Variants in STRN observed in about 807,000 individuals in gnomAD.
STRN encodes the protein striatin, also known as protein phosphatase 2 regulatory subunit B'''alpha.
In STRN, 53 loss-of-function variants were observed where a neutral mutation model predicts 96.3. The ratio of observed to expected loss-of-function variants is 0.55; its 90% confidence interval spans 0.44 to 0.69. The LOEUF is 0.69. Among genes scored for constraint, STRN ranks in the 30% least tolerant of loss-of-function variants. The pLI is 0.00. For synonymous variants in STRN, 428 were observed against 355.9 expected (o/e 1.20, Z -2.28); for missense variants, 987 against 963.9 (o/e 1.02, Z -0.32).
chr2:36,870,399 C>A (rs1331462547), intron 10 of STRN, among the ~76,000 whole-genome samples: 4 of 152,014 alleles, frequency 2.6e-5, no homozygotes. Context: ...GGTATGAATT[C>A]TTCACACTCC....
At chr2:36,897,429 T>TAAAA (rs201662533) in intron 6 of STRN, among the ~76,000 whole-genome samples, 2 of 147,880 alleles carry the variant, frequency 1.4e-5, no homozygotes, top group African/African-American at 5.0e-5. Context: ...CAAAAAAAAC[T>TAAAA]AAAAAATATA....
Position 36,877,815 on chromosome 2 carries a change from G to T in STRN, c.1323+76C>A, listed in dbSNP as rs535263727. 5.2e-6 allele frequency: 8 copies of T among 1,550,126 alleles called. No homozygotes were observed. In the Admixed American group the frequency reaches 1.4e-4, roughly 27 times the overall value. On this transcript the variant is annotated intron_variant, in intron 10 of 17. Coordinates refer to ENST00000263918, the MANE Select transcript of STRN (RefSeq NM_003162.4). ...CCTCCCAAAGTGCTGGATTACAGGC[G>T]TGAGCCACCGCACCCAGCCCAAGTT...
At chr2:36,899,733 C>T (rs1259359474) in intron 5 of STRN, 75 bp from the exon 6 acceptor site, 1 of 1,318,690 alleles carries the variant, frequency 7.6e-7, no homozygotes, top group East Asian at 2.5e-5. Flanking sequence ...TGATATGTTA[C>T]ATCAACTTCT....
chr2:36,944,207 T>G (rs1670922419), intron 1 of STRN, among the ~76,000 whole-genome samples: 1 of 152,226 alleles, frequency 6.6e-6, no homozygotes, highest in African/African-American at 2.4e-5. Flanking sequence ...AGTTAAATTT[T>G]TATTAAGTTG....
intron 1 of STRN, among the ~76,000 whole-genome samples, chr2:36,958,007 CCTCCTGGGTTCAAGTGATT>C (rs1664939293): frequency 6.6e-6 from 1 of 151,052 alleles, no homozygotes; most frequent in Non-Finnish European, 1.5e-5. Context: ...GCAAGCTCCG[CCTCCTGGGTTCAAGTGATT>C]CTCCTGCCTC....
At position 36,880,004 on chromosome 2, in the gene STRN, T is replaced by C. The variant is rs536821252; in HGVS notation, c.1187-1977A>G. 2.1e-4 allele frequency among the ~76,000 whole-genome samples: 32 copies of C among 151,848 alleles called. No individual in the cohort carries two copies. In the Middle Eastern group the frequency reaches 0.01, roughly 48 times the overall value. On this transcript the variant is annotated intron_variant, in intron 9 of 17. Transcript: ENST00000263918. Reference sequence around the variant, plus strand: ...AAATCTGAGACGGGGTCTCACTCTGTCACCCAGGCTGGAGTGCAGTGGTGT... The same window carrying C: ...AAATCTGAGACGGGGTCTCACTCTGCCACCCAGGCTGGAGTGCAGTGGTGT...
chr2:36,897,991 C>A (rs1669589957), intron 6 of STRN, among the ~76,000 whole-genome samples: 1 of 152,108 alleles, frequency 6.6e-6, no homozygotes, highest in Non-Finnish European at 1.5e-5. Flanking sequence ...GCACGCAGCA[C>A]AGAACTGCTA....
intron 3 of STRN, among the ~76,000 whole-genome samples, chr2:36,910,267 C>A (rs1195144551): frequency 1.3e-5 from 2 of 150,252 alleles, no homozygotes; most frequent in African/African-American, 4.9e-5. Flanking sequence ...GAGCGGAAGA[C>A]TTTAAGGTTG....
intron 12 of STRN, among the ~76,000 whole-genome samples, chr2:36,866,542 T>TA (rs1668631305): frequency 6.6e-6 from 1 of 152,208 alleles, no homozygotes; most frequent in South Asian, 2.1e-4. Context: ...GTTCTGTAGA[T>TA]ACATGTTAGG....
chr2:36,884,910 T>C (rs1377039168), intron 8 of STRN, among the ~76,000 whole-genome samples: 1 of 152,130 alleles, frequency 6.6e-6, no homozygotes, highest in East Asian at 1.9e-4. Flanking sequence ...TTATCCTAAG[T>C]CTTTACTTGT....
intron 8 of STRN, among the ~76,000 whole-genome samples, chr2:36,884,640 T>A (rs963070964): frequency 2.6e-5 from 4 of 152,186 alleles, no homozygotes; most frequent in Non-Finnish European, 4.4e-5. Flanking sequence ...GGGAAAATCT[T>A]ACCCAAAGTC....
At chr2:36,948,527 T>C (rs1266067679) in intron 1 of STRN, among the ~76,000 whole-genome samples, 1 of 152,208 alleles carries the variant, frequency 6.6e-6, no homozygotes, top group Non-Finnish European at 1.5e-5. Context: ...TTTAACATCA[T>C]TAACAACATA....
intron 14 of STRN, 38 bp downstream of exon 14, chr2:36,857,818 A>G (rs1339162163): frequency 6.4e-7 from 1 of 1,555,516 alleles, no homozygotes; most frequent in East Asian, 2.3e-5. Flanking sequence ...AAACTGTTTT[A>G]TAGAGGATTC....
At chr2:36,939,084 C>T (rs1358182418) in intron 1 of STRN, among the ~76,000 whole-genome samples, 3 of 151,916 alleles carry the variant, frequency 2.0e-5, no homozygotes, top group Non-Finnish European at 4.4e-5. Context: ...CTTGCTGGTT[C>T]AAGTGATTCT....
At position 36,916,005 on chromosome 2, in the gene STRN, T is replaced by C. The variant is rs192336009; in HGVS notation, c.412+73A>G. ...CAAATAATTAGAAAGTAACTTACAGTTGTAAATGCTGCTAGAAAATACTAG... is the reference window on the plus strand; with the variant it reads ...CAAATAATTAGAAAGTAACTTACAGCTGTAAATGCTGCTAGAAAATACTAG... On this transcript the variant is annotated intron_variant, in intron 3 of 17. Coordinates refer to ENST00000263918, the MANE Select transcript of STRN (RefSeq NM_003162.4). 3.6e-4 allele frequency: 476 copies of C among 1,317,572 alleles called. No individual in the cohort carries two copies. The African/African-American group carries it at 5.9e-3, about 16-fold the overall frequency. 81.6% of individuals were successfully genotyped at this position (1,317,572 alleles called of 1,614,324 possible). A position where few individuals can be genotyped will look rare whatever the true frequency, so the allele number is the denominator to read the frequency against.
chr2:36,885,601 A>G (rs762611565), intron 8 of STRN, among the ~76,000 whole-genome samples: 17 of 152,158 alleles, frequency 1.1e-4, no homozygotes, highest in Non-Finnish European at 2.4e-4. Context: ...TAACATCAAT[A>G]ACAGACACTG....
chr2:36,912,916 CAAG>C (rs1182606878), intron 3 of STRN, among the ~76,000 whole-genome samples: 1 of 152,190 alleles, frequency 6.6e-6, no homozygotes, highest in African/African-American at 2.4e-5. Flanking sequence ...TACATCCAAT[CAAG>C]AAGTAGTTCC....
intron 16 of STRN, 86 bp from the exon 17 acceptor site, chr2:36,849,886 A>G (rs1668177056): frequency 7.8e-7 from 1 of 1,288,644 alleles, no homozygotes; most frequent in Non-Finnish European, 1.1e-6. Flanking sequence ...TGGTTTCTCC[A>G]GTCATCCCTC....
At position 36,890,136 on chromosome 2, in the gene STRN, G is replaced by A. The variant is rs151154311; in HGVS notation, c.932-3310C>T. ...AGTGTGGCACAGTAGATGCAGCTAT[G>A]TTGGTGGACTTGCCTAAAATATGAG... On this transcript the variant is annotated intron_variant, in intron 7 of 17. Coordinates refer to ENST00000263918, the MANE Select transcript of STRN (RefSeq NM_003162.4). Among the ~76,000 whole-genome samples the A allele has an allele frequency of 2.2e-3, 330 of 152,300 alleles. 5 individuals carry two copies. The highest frequency in any genetic ancestry group is 7.6e-3 in the African/African-American group (317 of 41,576).
Sources: allele counts gnomAD v4.1 joint callset (sites outside exome capture counted in the v4.1 genomes callset), GRCh38; gene constraint gnomAD v4.1.1; transcripts MANE v1.5; gene names NCBI Gene and HGNC (gene_info 2026-07-23, HGNC 2026-07-21).